Variants in ZFAND3 observed in about 807,000 individuals in gnomAD.
ZFAND3 encodes zinc finger AN1-type containing 3, also known as AN1-type zinc finger protein 3.
Under a neutral mutation model 29.6 loss-of-function variants are expected in ZFAND3, and 10 were observed. The observed-to-expected ratio is 0.34, with a 90% confidence interval of 0.21 to 0.57. ZFAND3 has a LOEUF of 0.57. ZFAND3 is among the 20% of genes least tolerant of loss of function. The pLI is 0.86. For missense variants in ZFAND3, 230 were observed against 304.5 expected, an observed-to-expected ratio of 0.76 and a Z score of 1.82; for synonymous variants, 128 against 112.6, an observed-to-expected ratio of 1.14 and a Z score of -0.87.
In ZFAND3 at chr6:38,139,557, T is replaced by A. The variant is rs61146875; in HGVS notation, c.530-12678T>A. 0.017 allele frequency among the ~76,000 whole-genome samples: 2,622 copies of A among 152,214 alleles called. 252 individuals carry two copies. In the East Asian group the frequency reaches 0.28, roughly 16 times the overall value. On this transcript the variant is annotated intron_variant, in intron 5 of 5. Transcript: ENST00000287218. ...AGTAAGCAAGAATTTCCTTTGGAAGTCAGTGTGTCTGGGACATAGAATGCA... is the reference window on the plus strand; with the variant it reads ...AGTAAGCAAGAATTTCCTTTGGAAGACAGTGTGTCTGGGACATAGAATGCA...
chr6:37,900,735 C>T lies in ZFAND3; in HGVS notation c.72-29224C>T, dbSNP rs918539284. ...GGAAATATATCAGTAAAGAGTTCGTCATGGAGCTTTTATGGAGTTGCAGAA... is the reference window on the plus strand; with the variant it reads ...GGAAATATATCAGTAAAGAGTTCGTTATGGAGCTTTTATGGAGTTGCAGAA... On this transcript the variant is annotated intron_variant, in intron 1 of 5. Coordinates refer to ENST00000287218, the MANE Select transcript of ZFAND3 (RefSeq NM_021943.3). 1.3e-5 allele frequency among the ~76,000 whole-genome samples: 2 copies of T among 152,132 alleles called. 1 individual carries two copies. The highest frequency in any genetic ancestry group is 2.9e-5 in the Non-Finnish European group (2 of 67,994).
intron 1 of ZFAND3, among the ~76,000 whole-genome samples, chr6:37,902,993 G>T (rs910332622): frequency 6.6e-6 from 1 of 152,012 alleles, no homozygotes; most frequent in African/African-American, 2.4e-5. Flanking sequence ...CATAAAGCTG[G>T]AAAATTGGCA....
intron 5 of ZFAND3, among the ~76,000 whole-genome samples, chr6:38,131,645 C>T (rs188850059): frequency 2.0e-5 from 3 of 152,302 alleles, no homozygotes; most frequent in East Asian, 1.9e-4. Flanking sequence ...TAACACATAC[C>T]TTCCTCCCAC....
At chr6:37,848,669 C>T (rs1764224702) in intron 1 of ZFAND3, among the ~76,000 whole-genome samples, 1 of 152,172 alleles carries the variant, frequency 6.6e-6, no homozygotes, top group South Asian at 2.1e-4. Context: ...AGCCATGAAA[C>T]TTACAAACTG....
Position 37,936,605 on chromosome 6 carries a change from A to G in ZFAND3, c.112+6606A>G, listed in dbSNP as rs568181160. Among the ~76,000 whole-genome samples the G allele has an allele frequency of 6.6e-5, 10 of 152,378 alleles. No individual in the cohort carries two copies. The South Asian group carries it at 1.4e-3, about 22-fold the overall frequency. ...AGAAATTTGCTATCACGTGGTTCAC[A>G]TATGATGTACAAGTGTATAGTTGCA... On this transcript the variant is annotated intron_variant, in intron 2 of 5. Transcript: ENST00000287218.
chr6:37,915,381 A>G (rs1431150699), intron 1 of ZFAND3, among the ~76,000 whole-genome samples: 3 of 152,214 alleles, frequency 2.0e-5, no homozygotes, highest in Non-Finnish European at 2.9e-5. Flanking sequence ...AACCTGGCTA[A>G]CTGGCATAAG....
intron 5 of ZFAND3, among the ~76,000 whole-genome samples, chr6:38,146,747 G>T (rs1386578523): frequency 6.6e-6 from 1 of 152,144 alleles, no homozygotes; most frequent in African/African-American, 2.4e-5. Flanking sequence ...TGGGGGGTGA[G>T]CATCCTTTTA....
At chr6:37,856,950 C>CTT (rs60050000) in intron 1 of ZFAND3, among the ~76,000 whole-genome samples, 1 of 147,940 alleles carries the variant, frequency 6.8e-6, no homozygotes, top group Non-Finnish European at 1.5e-5. Context: ...AACTCTTGAC[C>CTT]TTTTTTTTTT....
chr6:37,910,933 C>T (rs1265448091), intron 1 of ZFAND3, among the ~76,000 whole-genome samples: 1 of 152,146 alleles, frequency 6.6e-6, no homozygotes, highest in African/African-American at 2.4e-5. Flanking sequence ...ACATTTTATC[C>T]ATGCATCCAT....
At chr6:37,959,708 G>A (rs189035894) in intron 2 of ZFAND3, among the ~76,000 whole-genome samples, 44 of 152,180 alleles carry the variant, frequency 2.9e-4, no homozygotes, top group Non-Finnish European at 4.7e-4. Flanking sequence ...GCATTTTCTG[G>A]AGCTGTTTCC....
At chr6:38,022,810 T>C (rs1335223043) in intron 2 of ZFAND3, among the ~76,000 whole-genome samples, 2 of 152,220 alleles carry the variant, frequency 1.3e-5, no homozygotes, top group African/African-American at 2.4e-5. Flanking sequence ...TACTTAACTT[T>C]AGGATTACCA....
chr6:37,827,485 A>G (rs1763781011), intron 1 of ZFAND3, among the ~76,000 whole-genome samples: 1 of 152,214 alleles, frequency 6.6e-6, no homozygotes, highest in Non-Finnish European at 1.5e-5. Context: ...TCACAAATGT[A>G]AATCTCATGG....
intron 1 of ZFAND3, among the ~76,000 whole-genome samples, chr6:37,898,798 C>G (rs1425607635): frequency 6.6e-6 from 1 of 152,100 alleles, no homozygotes; most frequent in Non-Finnish European, 1.5e-5. Flanking sequence ...TATTCAGTGA[C>G]CTTGCTAAAT....
chr6:37,978,829 T>A (rs1762532585), intron 2 of ZFAND3, among the ~76,000 whole-genome samples: 1 of 152,230 alleles, frequency 6.6e-6, no homozygotes, highest in African/African-American at 2.4e-5. Flanking sequence ...CACACTGGGC[T>A]AATTTTTGTA....
chr6:38,153,672 A>G lies in ZFAND3; in HGVS notation c.*1283A>G. 1 of 973,110 alleles carries G rather than the reference A, an allele frequency of 1.0e-6. No homozygotes were observed. Among genetic ancestry groups the G allele is most frequent in the African/African-American group, 1.8e-5 (1 of 57,036 alleles). 60.3% of individuals were successfully genotyped at this position (973,110 alleles called of 1,614,324 possible). On this transcript the variant is annotated 3_prime_UTR_variant, in exon 6 of 6. Transcript: ENST00000287218. Reference sequence around the variant, plus strand: ...CTGCAACTGCGCACGCCAGGTGGGGAAGGGTGGGGGTGGGCCTGGTTGCCC... The same window carrying G: ...CTGCAACTGCGCACGCCAGGTGGGGGAGGGTGGGGGTGGGCCTGGTTGCCC...
At chr6:37,969,853 C>T (rs1327590859) in intron 2 of ZFAND3, among the ~76,000 whole-genome samples, 1 of 152,108 alleles carries the variant, frequency 6.6e-6, no homozygotes, top group Non-Finnish European at 1.5e-5. Context: ...TTGATGGGAA[C>T]CTTGCTTAGT....
At chr6:37,963,767 T>G (rs935882095) in intron 2 of ZFAND3, among the ~76,000 whole-genome samples, 1 of 152,200 alleles carries the variant, frequency 6.6e-6, no homozygotes, top group Non-Finnish European at 1.5e-5. Context: ...CCTCTCAATC[T>G]AGAATTTAAA....
Position 37,819,905 on chromosome 6 carries a change from G to GCCA in ZFAND3, c.-38_-36dup. On this transcript the variant is annotated 5_prime_UTR_variant, in exon 1 of 6. Transcript: ENST00000287218. Reference sequence around the variant, plus strand: ...AGAGCGGGGCCCGGGCCCAGCCGCCGCCACCGCTGCCGCCGCCGAGCTCCG... The same window carrying GCCA: ...AGAGCGGGGCCCGGGCCCAGCCGCCGCCACCACCGCTGCCGCCGCCGAGCTCCG... The GCCA allele has an allele frequency of 8.6e-7, 1 of 1,157,178 alleles. No individual in the cohort carries two copies. The highest frequency in any genetic ancestry group is 1.1e-6 in the Non-Finnish European group (1 of 934,116). The allele number at this position is 1,157,178 out of a possible 1,614,324, so 71.7% of individuals were successfully genotyped here. A position where few individuals can be genotyped will look rare whatever the true frequency, so the allele number is the denominator to read the frequency against.
chr6:37,945,222 C>G (rs1761880581), intron 2 of ZFAND3, among the ~76,000 whole-genome samples: 1 of 152,198 alleles, frequency 6.6e-6, no homozygotes, highest in South Asian at 2.1e-4. Context: ...TGTATTTCAA[C>G]AGTTTCCTTT....
Sources: allele counts gnomAD v4.1 joint callset (sites outside exome capture counted in the v4.1 genomes callset), GRCh38; gene constraint gnomAD v4.1.1; transcripts MANE v1.5; gene names NCBI Gene and HGNC (gene_info 2026-07-23, HGNC 2026-07-21).